The following ASH1L variants were observed in gnomAD, a reference collection of about 807,000 sequenced individuals.
ASH1L encodes the protein ASH1 like histone lysine methyltransferase, also known as histone-lysine N-methyltransferase ASH1L.
Under a neutral mutation model 269.0 loss-of-function variants are expected in ASH1L, and 23 were observed. The ratio of observed to expected loss-of-function variants is 0.09; its 90% CI spans 0.06 to 0.12. The LOEUF is 0.12. ASH1L is among the 10% of genes least tolerant of loss of function. ASH1L has a pLI of 1.00. For missense variants in ASH1L, 2,912 were observed against 3,567.8 expected (o/e 0.82, Z 4.68); for synonymous variants, 1,187 against 1,253.5 (o/e 0.95, Z 1.12).
chr1:155,416,833 C>T (rs1384299850), intron 5 of ASH1L, among the ~76,000 whole-genome samples: 1 of 151,990 alleles, frequency 6.6e-6, no homozygotes, highest in East Asian at 1.9e-4. Flanking sequence ...TGCCCAGCCC[C>T]ACCTTGCCTT....
rs1303676298 is a variant in ASH1L, at chr1:155,495,639, T to C, written c.421-13190A>G. On this transcript the variant is annotated intron_variant, in intron 2 of 27. Coordinates refer to ENST00000392403, the MANE Select transcript of ASH1L (RefSeq NM_018489.3). Reference sequence around the variant, plus strand: ...GCTAGGACATTACTGTACACTACTGTTGACTTTATAAACACTGAACACTTA... The same window carrying C: ...GCTAGGACATTACTGTACACTACTGCTGACTTTATAAACACTGAACACTTA... 2.6e-5 allele frequency among the ~76,000 whole-genome samples: 4 copies of C among 152,306 alleles called. No homozygotes were observed. In the East Asian group the frequency reaches 7.7e-4, roughly 29 times the overall value.
chr1:155,531,425 C>T (rs954175645), intron 1 of ASH1L, among the ~76,000 whole-genome samples: 11 of 151,686 alleles, frequency 7.3e-5, no homozygotes, highest in Admixed American at 2.6e-4. Flanking sequence ...GGCGTGATCT[C>T]GGCTCACTGC....
chr1:155,517,804 T>C (rs1031246654), intron 2 of ASH1L, among the ~76,000 whole-genome samples: 1 of 124,170 alleles, frequency 8.1e-6, no homozygotes, highest in Non-Finnish European at 1.7e-5. Context: ...TTTTTTTTTT[T>C]TTTTTTTTTT....
At chr1:155,509,991 G>T (rs1668063998) in intron 2 of ASH1L, among the ~76,000 whole-genome samples, 1 of 152,118 alleles carries the variant, frequency 6.6e-6, no homozygotes, top group African/African-American at 2.4e-5. Flanking sequence ...AAGGAAGAAG[G>T]TCTTTCTAAT....
At chr1:155,412,306 G>A (rs1659875838) in intron 6 of ASH1L, among the ~76,000 whole-genome samples, 1 of 151,942 alleles carries the variant, frequency 6.6e-6, no homozygotes, top group Non-Finnish European at 1.5e-5. Context: ...CTACTCTGGA[G>A]GCTGAGGCAG....
Position 155,562,433 on chromosome 1 carries a change from C to CGGCGGCGGCGGCAGCAGCAGAGT in ASH1L, c.-403_-381dup. 1 of 1,468,994 alleles carries CGGCGGCGGCGGCAGCAGCAGAGT rather than the reference C, an allele frequency of 6.8e-7. No homozygotes were observed. The highest frequency in any genetic ancestry group is 9.2e-7 in the Non-Finnish European group (1 of 1,083,912). The allele number at this position is 1,468,994 out of a possible 1,614,324, so 91.0% of individuals were successfully genotyped here. A position where few individuals can be genotyped will look rare whatever the true frequency, so the allele number is the denominator to read the frequency against. Reference sequence around the variant, plus strand: ...CCCAAAATGGCGGCGGGAGCGGCGGCGGCGGCGGCGGCAGCAGCAGAGTGG... The same window carrying CGGCGGCGGCGGCAGCAGCAGAGT: ...CCCAAAATGGCGGCGGGAGCGGCGGCGGCGGCGGCGGCAGCAGCAGAGTGGCGGCGGCGGCAGCAGCAGAGTGG... On this transcript the variant is annotated 5_prime_UTR_variant, in exon 1 of 28. Coordinates refer to ENST00000392403, the MANE Select transcript of ASH1L (RefSeq NM_018489.3).
chr1:155,554,420 G>A (rs1436681996), intron 1 of ASH1L, among the ~76,000 whole-genome samples: 2 of 151,964 alleles, frequency 1.3e-5, no homozygotes, highest in East Asian at 3.9e-4. Context: ...TTAAAGGCGT[G>A]TGCCCCCACA....
At position 155,367,349 on chromosome 1, in the gene ASH1L, A is replaced by T. The variant is rs183265450; in HGVS notation, c.6686+3155T>A. On this transcript the variant is annotated intron_variant, in intron 12 of 27. Transcript: ENST00000392403. ...GGTTGTTGCTAATATATTAAAATGT[A>T]CTCAATACATTAATTTTTATATACT... Among the ~76,000 whole-genome samples, 77 of 152,228 alleles carry T rather than the reference A, an allele frequency of 5.1e-4. 1 individual carries two copies. Among genetic ancestry groups the T allele is most frequent in the Admixed American group, 9.8e-4 (15 of 15,280 alleles).
intron 1 of ASH1L, among the ~76,000 whole-genome samples, chr1:155,544,292 T>TC: frequency 6.8e-6 from 1 of 146,688 alleles, no homozygotes; most frequent in African/African-American, 2.5e-5. Context: ...GAAACCCCCT[T>TC]TTTTTTTTTT....
At chr1:155,356,927 A>G (rs1290931289) in intron 15 of ASH1L, among the ~76,000 whole-genome samples, 1 of 123,572 alleles carries the variant, frequency 8.1e-6, no homozygotes, top group Admixed American at 8.0e-5. Context: ...TGTCTCTACA[A>G]AAAATTTAAA....
At chr1:155,417,721 G>A (rs544031425) in intron 5 of ASH1L, among the ~76,000 whole-genome samples, 47 of 152,312 alleles carry the variant, frequency 3.1e-4, no homozygotes, top group Non-Finnish European at 6.0e-4. Context: ...CACTTTGGGA[G>A]GCTGAGACAG....
chr1:155,537,152 C>T (rs923211009), intron 1 of ASH1L, among the ~76,000 whole-genome samples: 3 of 152,094 alleles, frequency 2.0e-5, no homozygotes, highest in Non-Finnish European at 4.4e-5. Context: ...AACATGCCTG[C>T]AGTGCATTTG....
chr1:155,400,233 T>C (rs1658712595), intron 6 of ASH1L, among the ~76,000 whole-genome samples: 2 of 150,884 alleles, frequency 1.3e-5, no homozygotes, highest in African/African-American at 4.9e-5. Flanking sequence ...CCTGGGAGGC[T>C]GAGAAGGAGA....
rs528490378 is a variant in ASH1L at position 155,404,034 on chromosome 1, C to T, written c.6009-8481G>A. ...ACGCACCATTGCACTCCAGCCTGGG[C>T]AACAAGAACGAAACTCCGTCTCAAA... On this transcript the variant is annotated intron_variant, in intron 6 of 27. Transcript: ENST00000392403. Among the ~76,000 whole-genome samples, 3 of 136,298 alleles carry T rather than the reference C, an allele frequency of 2.2e-5. No individual in the cohort carries two copies. The East Asian group carries it at 6.4e-4, about 29-fold the overall frequency. The allele number at this position is 136,298 out of a possible 152,430, so 89.4% of individuals were successfully genotyped here. A position where few individuals can be genotyped will look rare whatever the true frequency, so the allele number is the denominator to read the frequency against.
In ASH1L at chr1:155,378,270, C is replaced by G; in HGVS notation, c.6332+11G>C. ...AGCCTATGCTTTAGAGAAATCAAAG[C>G]ATGACAGTACCTATTGAGGCAGTCA... On this transcript the variant is annotated intron_variant, in intron 10 of 27. Coordinates refer to ENST00000392403, the MANE Select transcript of ASH1L (RefSeq NM_018489.3). 6.2e-7 allele frequency: 1 copy of G among 1,603,594 alleles called. No homozygotes were observed. The highest frequency in any genetic ancestry group is 1.3e-5 in the African/African-American group (1 of 74,838).
chr1:155,354,751 T>C, intron 15 of ASH1L, 121 bp from the exon 16 acceptor site: 1 of 888,254 alleles, frequency 1.1e-6, no homozygotes, highest in Non-Finnish European at 1.7e-6. Flanking sequence ...TAAAGAGAAT[T>C]ATATGGGCAA....
chr1:155,521,598 A>G lies in ASH1L; in HGVS notation c.-79T>C. 7.4e-7 allele frequency: 1 copy of G among 1,359,804 alleles called. No individual in the cohort carries two copies. The highest frequency in any genetic ancestry group is 1.0e-6 in the Non-Finnish European group (1 of 998,478). 84.2% of individuals were successfully genotyped at this position (1,359,804 alleles called of 1,614,324 possible). ...TCCATAAAAAACAAGGATCTCCAAAACTCGAAACCAGCATCTTTCTCTGCA... is the reference window on the plus strand; with the variant it reads ...TCCATAAAAAACAAGGATCTCCAAAGCTCGAAACCAGCATCTTTCTCTGCA... On this transcript the variant is annotated 5_prime_UTR_variant, in exon 2 of 28. Coordinates refer to ENST00000392403, the MANE Select transcript of ASH1L (RefSeq NM_018489.3).
At chr1:155,415,646 A>G in intron 6 of ASH1L, 98 bp downstream of exon 6, 1 of 1,390,698 alleles carries the variant, frequency 7.2e-7, no homozygotes, top group Non-Finnish European at 9.9e-7. Context: ...CATCACGCTT[A>G]TGAAACACAA....
chr1:155,472,896 C>T lies in ASH1L; in HGVS notation c.4984+4990G>A, dbSNP rs548649448. ...TTTTTAAGCACTACTTTAAATACTG[C>T]AGTTCCTCAGAGCTACCCAAGGCTG... On this transcript the variant is annotated intron_variant, in intron 3 of 27. Transcript: ENST00000392403. 2.6e-5 allele frequency among the ~76,000 whole-genome samples: 4 copies of T among 152,304 alleles called. No individual in the cohort carries two copies. The South Asian group carries it at 8.3e-4, about 32-fold the overall frequency.
Sources: allele counts gnomAD v4.1 joint callset (sites outside exome capture counted in the v4.1 genomes callset), GRCh38; gene constraint gnomAD v4.1.1; transcripts MANE v1.5; gene names NCBI Gene and HGNC (gene_info 2026-07-23, HGNC 2026-07-21).